The following VAV2 variants were observed in gnomAD, a reference collection of about 807,000 sequenced individuals.
VAV2 encodes the protein vav guanine nucleotide exchange factor 2.
VAV2 carries 67 observed loss-of-function variants against 132.5 expected under a neutral mutation model. That is an observed-to-expected ratio of 0.51 (90% confidence interval 0.42 to 0.62). The LOEUF is 0.62. Ranked by LOEUF, VAV2 falls within the 20% of genes least tolerant of loss-of-function variation. The pLI, the probability that VAV2 is intolerant of heterozygous loss-of-function variation, is 0.00. For missense variants in VAV2, 938 were observed against 1,153.6 expected (o/e 0.81, Z 2.71); for synonymous variants, 492 against 443.5 (o/e 1.11, Z -1.37).
intron 3 of VAV2, among the ~76,000 whole-genome samples, chr9:133,849,492 C>A (rs1334063499): frequency 6.6e-6 from 1 of 152,224 alleles, no homozygotes; most frequent in African/African-American, 2.4e-5. Context: ...CCCTCCTGGA[C>A]CCTGCGTCCC....
At position 133,768,266 on chromosome 9, in the gene VAV2, G is replaced by A. The variant is rs113511895; in HGVS notation, c.2589+176C>T. On this transcript the variant is annotated intron_variant, in intron 29 of 29. Coordinates refer to ENST00000371850, the MANE Select transcript of VAV2 (RefSeq NM_001134398.2). This position sits in a 1 kb window ranked among gnomAD's most constrained non-coding sequence, Gnocchi z 5.3. The stretch of plus-strand genomic sequence containing the variant: ...GTTCGTGGTAAACATCTGGAGCCTC[G>A]GTTTCCCCCTGTGAATGCCAACCTT... 5.9e-3 allele frequency among the ~76,000 whole-genome samples: 891 copies of A among 152,216 alleles called. 6 individuals are homozygous for A. Among genetic ancestry groups the A allele is most frequent in the African/African-American group, 0.02 (845 of 41,526 alleles).
At chr9:133,785,192 C>G (rs1834169405) in intron 17 of VAV2, among the ~76,000 whole-genome samples, 1 of 152,166 alleles carries the variant, frequency 6.6e-6, no homozygotes, top group African/African-American at 2.4e-5. Context: ...AAGAAACGGT[C>G]AGAGAGGCGA....
intron 2 of VAV2, among the ~76,000 whole-genome samples, chr9:133,886,438 C>T (rs765862465): frequency 7.9e-5 from 12 of 152,212 alleles, no homozygotes; most frequent in Non-Finnish European, 1.3e-4. Context: ...AAACCCATGT[C>T]CATCTGACGC....
intron 4 of VAV2, among the ~76,000 whole-genome samples, chr9:133,822,574 G>C (rs1835834832): frequency 6.6e-6 from 1 of 152,154 alleles, no homozygotes; most frequent in African/African-American, 2.4e-5. Context: ...CATGAGGGAG[G>C]GAGGCCTTGC....
intron 1 of VAV2, among the ~76,000 whole-genome samples, chr9:133,943,820 G>A (rs980980013): frequency 6.6e-6 from 1 of 152,212 alleles, no homozygotes; most frequent in African/African-American, 2.4e-5. Context: ...CCCTGGAAAC[G>A]TCAGCCCCTT....
chr9:133,985,159 C>T (rs1842816138), intron 1 of VAV2, among the ~76,000 whole-genome samples: 1 of 151,762 alleles, frequency 6.6e-6, no homozygotes, highest in Admixed American at 6.6e-5. Context: ...CAGGTGTGAA[C>T]ACTGAGAGTG....
intron 3 of VAV2, among the ~76,000 whole-genome samples, chr9:133,836,167 AGGTGATGGGGGTGG>A (rs1184021378): frequency 6.6e-6 from 1 of 152,156 alleles, no homozygotes; most frequent in Non-Finnish European, 1.5e-5. Flanking sequence ...GATCCCGCCC[AGGTGATGGGGGTGG>A]GGCTGAGGAG....
At chr9:133,803,810 T>C (rs547464118) in intron 9 of VAV2, among the ~76,000 whole-genome samples, 5 of 152,064 alleles carry the variant, frequency 3.3e-5, no homozygotes, top group Non-Finnish European at 7.4e-5. Flanking sequence ...TCTAAATCCT[T>C]CCTTTGGCCT....
chr9:133,847,000 G>A (rs739465), intron 3 of VAV2, among the ~76,000 whole-genome samples: 18,188 of 152,254 alleles, frequency 0.12, 1,919 homozygotes, highest in East Asian at 0.58. Context: ...CCTGTGGGTG[G>A]TGCCAGCCGT....
Position 133,941,545 on chromosome 9 carries a change from G to A in VAV2, c.205-2326C>T, listed in dbSNP as rs139284854. The stretch of plus-strand genomic sequence containing the variant: ...ACACTCCATGATCTTTGTTTTTCAC[G>A]ACCTGTTAATTCTGAAGAATACAGA... On this transcript the variant is annotated intron_variant, in intron 1 of 29. Transcript: ENST00000371850. 3.3e-3 allele frequency among the ~76,000 whole-genome samples: 487 copies of A among 149,522 alleles called. 3 individuals carry two copies. Among genetic ancestry groups the A allele is most frequent in the African/African-American group, 0.011 (463 of 40,694 alleles).
intron 7 of VAV2, among the ~76,000 whole-genome samples, chr9:133,808,684 T>G (rs1313092901): frequency 1.3e-5 from 2 of 151,614 alleles, no homozygotes; most frequent in African/African-American, 4.8e-5. Flanking sequence ...AGGCTGAGTG[T>G]GGAGAGGCTG....
At chr9:133,931,477 T>TTTCTTC (rs1840686568) in intron 2 of VAV2, among the ~76,000 whole-genome samples, 1 of 106,512 alleles carries the variant, frequency 9.4e-6, no homozygotes, top group Admixed American at 9.1e-5. Context: ...CCTTCTCCCC[T>TTTCTTC]CCTTTCTTCC....
intron 2 of VAV2, among the ~76,000 whole-genome samples, chr9:133,877,815 G>GT (rs1465653884): frequency 6.6e-6 from 1 of 152,078 alleles, no homozygotes; most frequent in Non-Finnish European, 1.5e-5. Context: ...ACTAATAACT[G>GT]TATCTCTAAC....
chr9:133,864,266 G>C (rs975796496), intron 2 of VAV2, among the ~76,000 whole-genome samples: 1 of 152,238 alleles, frequency 6.6e-6, no homozygotes, highest in African/African-American at 2.4e-5. Context: ...GAGGAACAGG[G>C]AGGAAAGACA....
chr9:133,785,727 C>CA (rs772437434), intron 17 of VAV2, 49 bp downstream of exon 17: 3 of 1,570,418 alleles, frequency 1.9e-6, no homozygotes, highest in Non-Finnish European at 2.6e-6. Flanking sequence ...TTCCACCCCC[C>CA]ATACAACTCA....
At chr9:133,943,747 C>T (rs1042499366) in intron 1 of VAV2, among the ~76,000 whole-genome samples, 1 of 152,232 alleles carries the variant, frequency 6.6e-6, no homozygotes, top group Admixed American at 6.5e-5. Context: ...GGCTCCCGCC[C>T]CTGGGCCCCA....
At position 133,912,305 on chromosome 9, in the gene VAV2, G is replaced by A. The variant is rs1839912560; in HGVS notation, c.321+26798C>T. On this transcript the variant is annotated intron_variant, in intron 2 of 29. Coordinates refer to ENST00000371850, the MANE Select transcript of VAV2 (RefSeq NM_001134398.2). This position sits in a 1 kb window ranked among gnomAD's most constrained non-coding sequence, Gnocchi z 4.3. ...ACCGGAGGATGGTCCAAGAAGGCGG[G>A]AAGGCCTTCCAGGTCTGGGAACATG... Among the ~76,000 whole-genome samples the A allele has an allele frequency of 6.6e-6, 1 of 152,164 alleles. No individual in the cohort carries two copies.
chr9:133,890,320 C>T (rs375761783), intron 2 of VAV2, among the ~76,000 whole-genome samples: 5 of 152,218 alleles, frequency 3.3e-5, no homozygotes, highest in South Asian at 2.1e-4. Context: ...ACTGACGGCG[C>T]GTCTCACGCA....
intron 2 of VAV2, among the ~76,000 whole-genome samples, chr9:133,914,150 C>G (rs992113276): frequency 1.4e-4 from 22 of 152,236 alleles, no homozygotes; most frequent in African/African-American, 5.1e-4. Flanking sequence ...CCAGCATGGG[C>G]TGCCTGGGGC....
Sources: allele counts gnomAD v4.1 joint callset (sites outside exome capture counted in the v4.1 genomes callset), GRCh38; gene constraint gnomAD v4.1.1; non-coding constraint Gnocchi (gnomAD v3.1); transcripts MANE v1.5; gene names NCBI Gene and HGNC (gene_info 2026-07-23, HGNC 2026-07-21).